RBFOX1: variants seen among roughly 807,000 people sequenced by gnomAD.
RBFOX1 encodes RNA binding protein fox-1 homolog 1.
In RBFOX1, 8 loss-of-function variants were observed where a neutral mutation model predicts 57.7. That is an observed-to-expected ratio of 0.14 (90% CI 0.08 to 0.25). The LOEUF is 0.25. RBFOX1 is among the 10% of genes least tolerant of loss of function. The probability of loss-of-function intolerance (pLI) is 1.00; values close to 1 mark genes in which losing one functional copy is unlikely to be tolerated. For synonymous variants in RBFOX1, 326 were observed against 222.4 expected (o/e 1.47, Z -4.15); for missense variants, 611 against 548.5 (o/e 1.11, Z -1.14).
chr16:6,607,849 C>G (rs1239723158), intron 2 of RBFOX1, among the ~76,000 whole-genome samples: 1 of 152,170 alleles, frequency 6.6e-6, no homozygotes, highest in African/African-American at 2.4e-5. Flanking sequence ...ACATGACTTA[C>G]ATCCTCATTT....
chr16:6,822,911 G>GTGC (rs1438725681), intron 3 of RBFOX1, among the ~76,000 whole-genome samples: 3 of 152,274 alleles, frequency 2.0e-5, no homozygotes, highest in Non-Finnish European at 4.4e-5. Context: ...TAACAAGTGC[G>GTGC]TGCTGCTGCA....
chr16:6,775,809 T>C (rs186086714), intron 3 of RBFOX1: 1 of 152,340 alleles, frequency 6.6e-6, no homozygotes, highest in Admixed American at 6.5e-5. Context: ...AGTCAGTCTC[T>C]GAATGGAAAT....
intron 2 of RBFOX1, among the ~76,000 whole-genome samples, chr16:6,505,045 C>G (rs1335368459): frequency 6.6e-6 from 1 of 152,148 alleles, no homozygotes; most frequent in African/African-American, 2.4e-5. Context: ...TCTACTCCAT[C>G]TTGGGCAACA....
rs183543566 is a variant in RBFOX1 at position 7,466,298 on chromosome 16, A to G, written c.28-51849A>G. On this transcript the variant is annotated intron_variant, in intron 4 of 15. Coordinates refer to ENST00000550418, the MANE Select transcript of RBFOX1 (RefSeq NM_018723.4). Reference sequence around the variant, plus strand: ...TGCTGTTTATGGTTTTACCAGACCTATACTATTTAATAGAGATAATAAAGG... The same window carrying G: ...TGCTGTTTATGGTTTTACCAGACCTGTACTATTTAATAGAGATAATAAAGG... 1.9e-3 allele frequency among the ~76,000 whole-genome samples: 294 copies of G among 151,668 alleles called. 3 individuals are homozygous for G. Among genetic ancestry groups the G allele is most frequent in the Non-Finnish European group, 2.4e-3 (164 of 67,980 alleles).
intron 5 of RBFOX1, among the ~76,000 whole-genome samples, chr16:7,519,924 T>C (rs1233695797): frequency 6.6e-6 from 1 of 152,198 alleles, no homozygotes; most frequent in Non-Finnish European, 1.5e-5. Context: ...CTCACTCTGT[T>C]GCCCAGGCTG....
Position 6,380,398 on chromosome 16 carries a change from ATTTTTTTTTTTTTTTTTTTTTTTTTTTT to A in RBFOX1, c.-64+63362_-64+63389del, listed in dbSNP as rs60498960. On this transcript the variant is annotated intron_variant, in intron 2 of 15. Coordinates refer to ENST00000550418, the MANE Select transcript of RBFOX1 (RefSeq NM_018723.4). ...CGTCTGTGAGTGGTGAATGGTGGGG[ATTTTTTTTTTTTTTTTTTTTTTTTTTTT>A]TTTTTTTTTTTTTTTTTTTTAGTAG... Among the ~76,000 whole-genome samples the A allele has an allele frequency of 7.1e-4, 35 of 49,160 alleles. 1 individual carries two copies. The highest frequency in any genetic ancestry group is 1.2e-3 in the African/African-American group (16 of 12,908). 32.3% of individuals were successfully genotyped at this position (49,160 alleles called of 152,430 possible).
chr16:7,708,936 G>C, intron 14 of RBFOX1, 120 bp from the exon 15 acceptor site: 3 of 821,370 alleles, frequency 3.7e-6, no homozygotes, highest in Non-Finnish European at 6.1e-6. Context: ...AGTAGAATTT[G>C]CTTCTCACTG....
chr16:6,866,936 G>A (rs750340861), intron 3 of RBFOX1, among the ~76,000 whole-genome samples: 1 of 150,452 alleles, frequency 6.6e-6, no homozygotes, highest in East Asian at 2.0e-4. Context: ...TGGGTCCTTA[G>A]CTTCATGACA....
intron 1 of RBFOX1, among the ~76,000 whole-genome samples, chr16:5,446,732 A>T (rs1049013269): frequency 2.0e-5 from 3 of 152,110 alleles, no homozygotes. Flanking sequence ...TTGGTAGCTT[A>T]GACTAAGTTC....
chr16:6,487,085 T>C (rs1276827642), intron 2 of RBFOX1, among the ~76,000 whole-genome samples: 2 of 152,094 alleles, frequency 1.3e-5, no homozygotes, highest in Non-Finnish European at 2.9e-5. Flanking sequence ...GGTGTGTTTT[T>C]ATTAAGCTAA....
intron 4 of RBFOX1, among the ~76,000 whole-genome samples, chr16:7,414,893 C>T (rs1202813991): frequency 1.3e-5 from 2 of 152,224 alleles, no homozygotes; most frequent in Admixed American, 6.5e-5. Flanking sequence ...GCTGGGATTA[C>T]AGGTGGTGAG....
At chr16:6,983,514 A>G (rs1240724411) in intron 3 of RBFOX1, 2 of 152,002 alleles carry the variant, frequency 1.3e-5, no homozygotes, top group South Asian at 2.1e-4. Context: ...TATAAGAGCA[A>G]TGTAAGCAAT....
At chr16:6,879,801 AT>A (rs1356318624) in intron 3 of RBFOX1, among the ~76,000 whole-genome samples, 1 of 152,166 alleles carries the variant, frequency 6.6e-6, no homozygotes, top group Non-Finnish European at 1.5e-5. Flanking sequence ...GAATGGAAGC[AT>A]TTTTGATGTT....
In RBFOX1 at chr16:6,859,890, T is replaced by A. The variant is rs1488069391; in HGVS notation, c.-15-192167T>A. Reference sequence around the variant, plus strand: ...TTTTCCTTTGAGTTAGAGGAATGCATTGGAGAGAAGTGTTATTGATGAGGG... The same window carrying A: ...TTTTCCTTTGAGTTAGAGGAATGCAATGGAGAGAAGTGTTATTGATGAGGG... On this transcript the variant is annotated intron_variant, in intron 3 of 15. Coordinates refer to ENST00000550418, the MANE Select transcript of RBFOX1 (RefSeq NM_018723.4). Among the ~76,000 whole-genome samples the A allele has an allele frequency of 2.0e-5, 3 of 152,138 alleles. No individual in the cohort carries two copies. The East Asian group carries it at 5.8e-4, about 29-fold the overall frequency.
intron 1 of RBFOX1, among the ~76,000 whole-genome samples, chr16:5,319,980 G>A (rs2064357563): frequency 6.6e-6 from 1 of 152,154 alleles, no homozygotes; most frequent in Admixed American, 6.5e-5. Flanking sequence ...TTGGTGGCCC[G>A]GGTGCAGTCA....
chr16:5,766,951 C>T (rs548089057), intron 3 of RBFOX1, among the ~76,000 whole-genome samples: 1 of 152,192 alleles, frequency 6.6e-6, no homozygotes, highest in East Asian at 1.9e-4. Flanking sequence ...AAATAATGAG[C>T]TCTTTACATT....
At chr16:5,597,803 A>C (rs1251682927) in intron 2 of RBFOX1, among the ~76,000 whole-genome samples, 4 of 152,134 alleles carry the variant, frequency 2.6e-5, no homozygotes, top group Non-Finnish European at 5.9e-5. Flanking sequence ...CTTTGGGAAT[A>C]CTACGACGGT....
intron 4 of RBFOX1, among the ~76,000 whole-genome samples, chr16:7,325,174 A>G (rs2143571682): frequency 6.6e-6 from 1 of 152,298 alleles, no homozygotes; most frequent in Admixed American, 6.5e-5. Flanking sequence ...ACAGCCATTT[A>G]CTGAGTGTTT....
chr16:6,446,567 A>G (rs1385528745), intron 2 of RBFOX1, among the ~76,000 whole-genome samples: 1 of 152,140 alleles, frequency 6.6e-6, no homozygotes, highest in African/African-American at 2.4e-5. Flanking sequence ...GTGGGACCCT[A>G]GGGGGCAGTG....
Sources: gnomAD v4.1 joint callset for allele counts (sites outside exome capture counted in the v4.1 genomes callset) on GRCh38, gnomAD v4.1.1 for gene constraint, MANE v1.5 for transcripts, NCBI Gene and HGNC (gene_info 2026-07-23, HGNC 2026-07-21) for gene names.